CCDC7: variants seen among roughly 807,000 people sequenced by gnomAD.
The protein encoded by CCDC7 is coiled-coil domain containing 7, also known as coiled-coil domain-containing protein 7.
CCDC7 carries 183 observed loss-of-function variants against 196.9 expected under a neutral mutation model. The ratio of observed to expected loss-of-function variants is 0.93; its 90% CI spans 0.82 to 1.05. The LOEUF (loss-of-function observed/expected upper bound fraction) is 1.05. Ranked by LOEUF, CCDC7 falls within the 50% of genes least tolerant of loss-of-function variation. The pLI is 0.00. For synonymous variants in CCDC7, 525 were observed against 484.6 expected (o/e 1.08, Z -1.10); for missense variants, 1,540 against 1,482.2 (o/e 1.04, Z -0.64).
At chr10:32,794,501 T>C (rs2083232145) in intron 29 of CCDC7, among the ~76,000 whole-genome samples, 1 of 152,214 alleles carries the variant, frequency 6.6e-6, no homozygotes, top group Non-Finnish European at 1.5e-5. Flanking sequence ...ATTTCCACAC[T>C]GCTTTCCACA....
chr10:32,671,608 A>T (rs1397125191), intron 21 of CCDC7, among the ~76,000 whole-genome samples: 1 of 151,978 alleles, frequency 6.6e-6, no homozygotes, highest in Non-Finnish European at 1.5e-5. Context: ...GCTTCAGGAG[A>T]TTATTGTGGT....
At chr10:32,876,240 A>G in intron 41 of CCDC7, 107 bp from the exon 43 acceptor site, 2 of 786,408 alleles carry the variant, frequency 2.5e-6, no homozygotes, top group Non-Finnish European at 2.1e-6. Context: ...TTCATTGTTT[A>G]TATTATTCAT....
intron 29 of CCDC7, among the ~76,000 whole-genome samples, chr10:32,784,957 G>T (rs984369436): frequency 6.8e-5 from 10 of 147,162 alleles, no homozygotes; most frequent in African/African-American, 2.5e-4. Flanking sequence ...AGCAGAGATT[G>T]CGCCACTGCA....
At chr10:32,593,632 T>G (rs940794097) in intron 18 of CCDC7, among the ~76,000 whole-genome samples, 8 of 152,126 alleles carry the variant, frequency 5.3e-5, no homozygotes, top group African/African-American at 1.7e-4. Flanking sequence ...CCATGCCTAT[T>G]TCCTGAATGG....
At chr10:32,621,168 G>A (rs1035515367) in intron 18 of CCDC7, among the ~76,000 whole-genome samples, 12 of 152,082 alleles carry the variant, frequency 7.9e-5, no homozygotes, top group African/African-American at 2.9e-4. Flanking sequence ...TTACTTTGAA[G>A]GATTTTATTT....
chr10:32,713,822 T>G (rs147384633), intron 25 of CCDC7, among the ~76,000 whole-genome samples: 61 of 152,360 alleles, frequency 4.0e-4, no homozygotes, highest in African/African-American at 1.4e-3. Context: ...GTTTGCTATC[T>G]GGGCAGCAGC....
intron 23 of CCDC7, among the ~76,000 whole-genome samples, chr10:32,693,844 A>G (rs1489007638): frequency 6.6e-6 from 1 of 152,058 alleles, no homozygotes; most frequent in African/African-American, 2.4e-5. Flanking sequence ...GTGCGCCCTG[A>G]TATGGCATAG....
intron 18 of CCDC7, among the ~76,000 whole-genome samples, chr10:32,597,457 G>C (rs1206914696): frequency 2.0e-5 from 3 of 152,016 alleles, no homozygotes; most frequent in African/African-American, 4.8e-5. Flanking sequence ...TCTTGCGATG[G>C]GTTCGAACAT....
chr10:32,555,427 G>T (rs1385275245), intron 13 of CCDC7, among the ~76,000 whole-genome samples: 1 of 151,984 alleles, frequency 6.6e-6, no homozygotes, highest in Non-Finnish European at 1.5e-5. Context: ...TGTATTTTTA[G>T]TAGAGGCGGG....
intron 9 of CCDC7, among the ~76,000 whole-genome samples, 159 bp from the exon 11 acceptor site, chr10:32,517,786 T>TAAAAAG (rs1032233240): frequency 4.9e-5 from 7 of 142,896 alleles, no homozygotes; most frequent in African/African-American, 1.0e-4. Flanking sequence ...ATAAAATAAA[T>TAAAAAG]AAAAAGAAAA....
chr10:32,515,326 A>G (rs1272851285), intron 9 of CCDC7, among the ~76,000 whole-genome samples: 2 of 152,216 alleles, frequency 1.3e-5, no homozygotes, highest in Non-Finnish European at 2.9e-5. Context: ...AAAACTTAAT[A>G]CAAAGCTACA....
chr10:32,492,852 T>C lies in CCDC7; in HGVS notation c.872+855T>C, dbSNP rs920581063. Among the ~76,000 whole-genome samples the C allele has an allele frequency of 7.2e-5, 11 of 152,274 alleles. No homozygotes were observed. In the South Asian group the frequency reaches 8.3e-4, roughly 11 times the overall value. ...ATTTTATGTTATATGTATTTTTCCA[T>C]AGTTAAAAAAGTTAAAAGTTGCGAT... On this transcript the variant is annotated intron_variant, in intron 9 of 41. Coordinates refer to ENST00000639629, the Ensembl canonical transcript of CCDC7.
At chr10:32,704,604 G>A (rs1188111860) in intron 24 of CCDC7, among the ~76,000 whole-genome samples, 1 of 152,152 alleles carries the variant, frequency 6.6e-6, no homozygotes, top group Non-Finnish European at 1.5e-5. Context: ...CCTGCCCCCA[G>A]AGGTGGATTC....
intron 20 of CCDC7, among the ~76,000 whole-genome samples, chr10:32,656,050 T>C (rs558295457): frequency 8.0e-4 from 109 of 135,882 alleles, no homozygotes; most frequent in African/African-American, 3.0e-3. Context: ...AGGAACTGTT[T>C]AGTTTGATAC....
intron 20 of CCDC7, among the ~76,000 whole-genome samples, chr10:32,646,083 C>CT (rs150433749): frequency 0.12 from 16,691 of 136,000 alleles, 1,102 homozygotes; most frequent in South Asian, 0.29. Flanking sequence ...TCGGATTGTT[C>CT]TTTTTTTTTT....
At chr10:32,721,298 G>A (rs2082383262) in intron 25 of CCDC7, among the ~76,000 whole-genome samples, 1 of 151,918 alleles carries the variant, frequency 6.6e-6, no homozygotes, top group Non-Finnish European at 1.5e-5. Flanking sequence ...AGCTGATTTT[G>A]GGAGATTATG....
chr10:32,636,429 C>A (rs2065653962), intron 20 of CCDC7, among the ~76,000 whole-genome samples: 1 of 152,212 alleles, frequency 6.6e-6, no homozygotes, highest in South Asian at 2.1e-4. Flanking sequence ...CTTCCTGTGT[C>A]CATGTGTTCT....
intron 11 of CCDC7, among the ~76,000 whole-genome samples, chr10:32,530,870 A>G (rs955761695): frequency 6.6e-6 from 1 of 152,072 alleles, no homozygotes; most frequent in Admixed American, 6.5e-5. Context: ...ATTTTTCCCC[A>G]TTCAGTATAA....
intron 11 of CCDC7, among the ~76,000 whole-genome samples, chr10:32,536,505 A>G (rs2050521758): frequency 1.3e-5 from 2 of 152,264 alleles, no homozygotes; most frequent in Admixed American, 6.5e-5. Flanking sequence ...AGCAAACCTC[A>G]CACTTCGGTT....
Sources: gnomAD v4.1 joint callset for allele counts (sites outside exome capture counted in the v4.1 genomes callset) on GRCh38, gnomAD v4.1.1 for gene constraint, MANE v1.5 for transcripts, NCBI Gene and HGNC (gene_info 2026-07-23, HGNC 2026-07-21) for gene names.